The following SLCO5A1 variants were observed in gnomAD, a reference collection of about 807,000 sequenced individuals.
SLCO5A1 encodes the protein organic anion transporter polypeptide-related protein 4.
SLCO5A1 carries 39 observed loss-of-function variants against 65.1 expected under a neutral mutation model. The observed-to-expected ratio is 0.60, with a 90% confidence interval of 0.46 to 0.78. SLCO5A1 has a LOEUF of 0.78. Ranked by LOEUF, SLCO5A1 falls within the 30% of genes least tolerant of loss-of-function variation. The pLI, the probability that SLCO5A1 is intolerant of heterozygous loss-of-function variation, is 0.00. For missense variants in SLCO5A1, 1,029 were observed against 1,069.4 expected, an observed-to-expected ratio of 0.96 and a Z score of 0.53; for synonymous variants, 438 against 415.7, an observed-to-expected ratio of 1.05 and a Z score of -0.65.
Position 69,794,943 on chromosome 8 carries a change from T to A in SLCO5A1, c.908-33068A>T, listed in dbSNP as rs116524372. On this transcript the variant is annotated intron_variant, in intron 2 of 9. Transcript: ENST00000260126. ...AGGAGGAAGAGAGAGAGGGAAGAGG[T>A]GCTACACACTTTTAAAAACCAAATC... Among the ~76,000 whole-genome samples the A allele has an allele frequency of 9.3e-3, 1,409 of 152,102 alleles. 19 individuals carry two copies. The highest frequency in any genetic ancestry group is 0.032 in the African/African-American group (1,344 of 41,490).
At chr8:69,759,083 A>G (rs1293052963) in intron 3 of SLCO5A1, among the ~76,000 whole-genome samples, 1 of 152,250 alleles carries the variant, frequency 6.6e-6, no homozygotes, top group Non-Finnish European at 1.5e-5. Flanking sequence ...TGTAGAGCTT[A>G]GTATAATGCT....
chr8:69,783,407 A>G (rs544558401), intron 2 of SLCO5A1, among the ~76,000 whole-genome samples: 1 of 152,212 alleles, frequency 6.6e-6, no homozygotes, highest in South Asian at 2.1e-4. Context: ...GCATGCCTGT[A>G]GCAAAACACC....
At chr8:69,816,413 G>C (rs1431368949) in intron 2 of SLCO5A1, among the ~76,000 whole-genome samples, 1 of 152,202 alleles carries the variant, frequency 6.6e-6, no homozygotes, top group Non-Finnish European at 1.5e-5. Context: ...CACCACCTGA[G>C]TATTGTAAAA....
chr8:69,755,354 C>G (rs1218754317), intron 4 of SLCO5A1, 70 bp downstream of exon 4: 1 of 1,315,742 alleles, frequency 7.6e-7, no homozygotes, highest in Non-Finnish European at 1.1e-6. Context: ...ACAGCATGGG[C>G]CTGGGACCAC....
intron 6 of SLCO5A1, among the ~76,000 whole-genome samples, chr8:69,691,833 C>T (rs532180575): frequency 1.3e-5 from 2 of 152,300 alleles, no homozygotes; most frequent in African/African-American, 2.4e-5. Context: ...CTAGGCTATA[C>T]AGTATAGACT....
At chr8:69,690,185 G>A (rs567426727) in intron 6 of SLCO5A1, among the ~76,000 whole-genome samples, 11 of 148,190 alleles carry the variant, frequency 7.4e-5, no homozygotes, top group South Asian at 2.2e-4. Context: ...CTGTGGTTTC[G>A]CTGGATAGTA....
intron 5 of SLCO5A1, among the ~76,000 whole-genome samples, chr8:69,723,102 A>G (rs1008839981): frequency 6.6e-6 from 1 of 152,130 alleles, no homozygotes; most frequent in Non-Finnish European, 1.5e-5. Flanking sequence ...CATAGCTTTT[A>G]TTTTCAGCTA....
intron 2 of SLCO5A1, among the ~76,000 whole-genome samples, chr8:69,829,307 T>C (rs1821062813): frequency 6.6e-6 from 1 of 152,154 alleles, no homozygotes; most frequent in Admixed American, 6.5e-5. Flanking sequence ...AGTCACACCA[T>C]GAGGAAATGA....
chr8:69,780,069 A>T (rs956683171), intron 2 of SLCO5A1, among the ~76,000 whole-genome samples: 1 of 152,206 alleles, frequency 6.6e-6, no homozygotes, highest in African/African-American at 2.4e-5. Context: ...ATCATTAATA[A>T]TCAGAGAAAT....
chr8:69,789,970 A>G (rs887223927), intron 2 of SLCO5A1, among the ~76,000 whole-genome samples: 5 of 152,076 alleles, frequency 3.3e-5, no homozygotes, highest in African/African-American at 1.2e-4. Flanking sequence ...AGGCGGGTGG[A>G]TCACCTGAGA....
At chr8:69,807,233 A>G (rs1374561133) in intron 2 of SLCO5A1, among the ~76,000 whole-genome samples, 2 of 152,216 alleles carry the variant, frequency 1.3e-5, no homozygotes, top group African/African-American at 4.8e-5. Flanking sequence ...TAATTGACAT[A>G]ATAATTGTAT....
At chr8:69,825,475 T>C (rs1176374202) in intron 2 of SLCO5A1, among the ~76,000 whole-genome samples, 1 of 152,128 alleles carries the variant, frequency 6.6e-6, no homozygotes, top group African/African-American at 2.4e-5. Flanking sequence ...AGCATTCTTA[T>C]ACACCAATAA....
At chr8:69,807,403 A>G (rs1272478877) in intron 2 of SLCO5A1, among the ~76,000 whole-genome samples, 1 of 152,152 alleles carries the variant, frequency 6.6e-6, no homozygotes, top group African/African-American at 2.4e-5. Context: ...ACAATACATT[A>G]TTATTAACTA....
At chr8:69,801,296 G>A (rs562018907) in intron 2 of SLCO5A1, among the ~76,000 whole-genome samples, 1 of 152,250 alleles carries the variant, frequency 6.6e-6, no homozygotes, top group African/African-American at 2.4e-5. Flanking sequence ...AGGAATATTT[G>A]GATCCCTCCT....
intron 5 of SLCO5A1, among the ~76,000 whole-genome samples, chr8:69,710,019 C>CTTTTTTTTTTT (rs33961429): frequency 3.3e-5 from 4 of 122,866 alleles, no homozygotes; most frequent in East Asian, 2.4e-4. Context: ...TCGGCAACAG[C>CTTTTTTTTTTT]TTTTTTTTTT....
intron 5 of SLCO5A1, among the ~76,000 whole-genome samples, chr8:69,707,067 G>A (rs2130812116): frequency 6.6e-6 from 1 of 152,206 alleles, no homozygotes; most frequent in East Asian, 1.9e-4. Flanking sequence ...AGAATCGCTT[G>A]ATTGAACCCT....
rs1359322838 is a variant in SLCO5A1 at position 69,668,322 on chromosome 8, T to C, written c.*4547A>G. On this transcript the variant is annotated 3_prime_UTR_variant, in exon 10 of 10. Coordinates refer to ENST00000260126, the MANE Select transcript of SLCO5A1 (RefSeq NM_030958.3). ...TGCCAGCCGCAGCACTCTCTTATTA[T>C]GGAAGAGAAAACACAAATGTGTGGA... The C allele has an allele frequency of 2.0e-5, 3 of 152,178 alleles. No individual in the cohort carries two copies. The highest frequency in any genetic ancestry group is 1.3e-4 in the Admixed American group (2 of 15,276). The allele number at this position is 152,178 out of a possible 1,614,324, so 9.4% of individuals were successfully genotyped here.
chr8:69,795,714 G>A (rs2087407761), intron 2 of SLCO5A1, among the ~76,000 whole-genome samples: 1 of 152,202 alleles, frequency 6.6e-6, no homozygotes, highest in African/African-American at 2.4e-5. Context: ...ACTAGGCAGT[G>A]CCCCAATGGG....
At chr8:69,813,768 T>G (rs908041063) in intron 2 of SLCO5A1, among the ~76,000 whole-genome samples, 17 of 152,118 alleles carry the variant, frequency 1.1e-4, no homozygotes, top group African/African-American at 4.1e-4. Flanking sequence ...ACTAGAACAC[T>G]TAAGAGGCGA....
Sources: gnomAD v4.1 joint callset for allele counts (sites outside exome capture counted in the v4.1 genomes callset) on GRCh38, gnomAD v4.1.1 for gene constraint, MANE v1.5 for transcripts, NCBI Gene and HGNC (gene_info 2026-07-23, HGNC 2026-07-21) for gene names.